Variants in CDK11B observed in about 807,000 individuals in gnomAD.
CDK11B encodes cyclin dependent kinase 11B, also known as cyclin-dependent kinase 11B.
A neutral mutation model predicts 84.0 loss-of-function variants in CDK11B; 37 were observed. That is an observed-to-expected ratio of 0.44 (90% CI 0.34 to 0.58). CDK11B has a LOEUF of 0.58. Among genes scored for constraint, CDK11B ranks in the 20% least tolerant of loss-of-function variants. CDK11B has a pLI of 0.02. For synonymous variants in CDK11B, 269 were observed against 309.8 expected (o/e 0.87, Z 1.38); for missense variants, 427 against 834.0 (o/e 0.51, Z 6.01).
At position 1,637,186 on chromosome 1, in the gene CDK11B, C is replaced by T. The variant is rs373757691; in HGVS notation, c.1587G>A (p.Leu529=). Residue 529 remains leucine (L), a synonymous_variant, in exon 15 of 20, where the codon CTG becomes CTA. Transcript: ENST00000341832. ...QPFLPGEVKT[L]MIQLLRGVKH... ...TCACCCCACGCAGCAGCTGGATCAT[C>T]AGGGTCTTCACCTCCCCTGGGAGGG... The T allele has an allele frequency of 7.4e-5, 119 of 1,613,332 alleles. No homozygotes were observed. The highest frequency in any genetic ancestry group is 9.5e-5 in the Non-Finnish European group (112 of 1,179,842).
chr1:1,655,543 A>G (rs1283512115), intron 2 of CDK11B, 59 bp from the exon 3 acceptor site: 3 of 1,497,122 alleles, frequency 2.0e-6, no homozygotes, highest in Middle Eastern at 1.7e-4. Context: ...CTTCATAGAT[A>G]AAAGTATTTT....
intron 5 of CDK11B, among the ~76,000 whole-genome samples, chr1:1,648,823 G>A (rs1372417779): frequency 2.0e-5 from 3 of 152,130 alleles, no homozygotes; most frequent in Non-Finnish European, 2.9e-5. Flanking sequence ...AGGCTGGAGT[G>A]CAATAGCATG....
At chr1:1,639,381 C>G (rs1639900517) in intron 11 of CDK11B, among the ~76,000 whole-genome samples, 2 of 151,720 alleles carry the variant, frequency 1.3e-5, no homozygotes, top group South Asian at 4.1e-4. Context: ...TAAGCCACTC[C>G]ACTCCGGCCT....
At chr1:1,646,300 A>G (rs565135424) in intron 5 of CDK11B, 7 of 428,958 alleles carry the variant, frequency 1.6e-5, no homozygotes, top group Middle Eastern at 3.6e-4. Flanking sequence ...TCCCTTTTTG[A>G]TTTTAAATTA....
rs557982944 is a variant in CDK11B at position 1,637,388 on chromosome 1, C to A, written c.1570+20G>T. Reference sequence around the variant, plus strand: ...CTGCCCCCACTTGTACGCAGACAGGCCCCTGGGGCGCGGCTGTACCTGGCA... The same window carrying A: ...CTGCCCCCACTTGTACGCAGACAGGACCCTGGGGCGCGGCTGTACCTGGCA... On this transcript the variant is annotated intron_variant, in intron 14 of 19. Transcript: ENST00000341832. 6.6e-4 allele frequency: 1,054 copies of A among 1,603,908 alleles called. 20 individuals carry two copies. The East Asian group carries it at 0.012, about 18-fold the overall frequency.
chr1:1,648,819 G>C (rs904576290), intron 5 of CDK11B, among the ~76,000 whole-genome samples: 1 of 152,018 alleles, frequency 6.6e-6, no homozygotes, highest in Non-Finnish European at 1.5e-5. Flanking sequence ...AACCAGGCTG[G>C]AGTGCAATAG....
At chr1:1,650,028 C>T (rs1317276297) in intron 4 of CDK11B, among the ~76,000 whole-genome samples, 2 of 149,824 alleles carry the variant, frequency 1.3e-5, no homozygotes, top group African/African-American at 2.5e-5. Flanking sequence ...AATTCCAGCA[C>T]TCTGGGAGGC....
At chr1:1,653,822 A>AT in intron 3 of CDK11B, among the ~76,000 whole-genome samples, 1 of 123,398 alleles carries the variant, frequency 8.1e-6, no homozygotes, top group African/African-American at 3.4e-5. Flanking sequence ...TCTCTACTAA[A>AT]AATACACACA....
At position 1,658,896 on chromosome 1, in the gene CDK11B, C is replaced by T. The variant is rs1200188776; in HGVS notation, c.-14+18G>A. 5.2e-5 allele frequency: 9 copies of T among 174,522 alleles called. No individual in the cohort carries two copies. Among genetic ancestry groups the T allele is most frequent in the Non-Finnish European group, 1.0e-4 (8 of 80,180 alleles). The allele number at this position is 174,522 out of a possible 1,614,324, so 10.8% of individuals were successfully genotyped here. A position where few individuals can be genotyped will look rare whatever the true frequency, so the allele number is the denominator to read the frequency against. The stretch of plus-strand genomic sequence containing the variant: ...TCTCCTCGCGCTCCCACACCTGGTC[C>T]GCCCAGTCGGAACTCACCCCTACGC... On this transcript the variant is annotated intron_variant, in intron 1 of 19. Transcript: ENST00000341832.
intron 4 of CDK11B, among the ~76,000 whole-genome samples, chr1:1,649,954 CAA>C (rs1294913578): frequency 1.4e-4 from 12 of 87,448 alleles, no homozygotes; most frequent in Non-Finnish European, 1.3e-4. Flanking sequence ...ACAGCCTGGG[CAA>C]AAAAAAAAAA....
At chr1:1,651,665 C>G (rs1426474139) in intron 4 of CDK11B, among the ~76,000 whole-genome samples, 1 of 151,554 alleles carries the variant, frequency 6.6e-6, no homozygotes, top group African/African-American at 2.4e-5. Context: ...GTCTGTGACA[C>G]ACGCATGCTT....
At position 1,637,283 on chromosome 1, in the gene CDK11B, A is replaced by T. The variant is rs527625087; in HGVS notation, c.1571-81T>A. Reference sequence around the variant, plus strand: ...AGGGTGGCCCACTCGCCTCGGCAGCAACAGAGGCTTCTCAGGGCTTTCCCT... The same window carrying T: ...AGGGTGGCCCACTCGCCTCGGCAGCTACAGAGGCTTCTCAGGGCTTTCCCT... On this transcript the variant is annotated intron_variant, in intron 14 of 19. Transcript: ENST00000341832. 8.0e-5 allele frequency: 127 copies of T among 1,581,000 alleles called. No individual in the cohort carries two copies. In the African/African-American group the frequency reaches 1.5e-3, roughly 19 times the overall value.
intron 1 of CDK11B, among the ~76,000 whole-genome samples, chr1:1,658,159 C>CAAAAAAAAAA (rs201470198): frequency 2.5e-5 from 3 of 119,808 alleles, no homozygotes; most frequent in Non-Finnish European, 5.2e-5. Context: ...GACCCCGTCT[C>CAAAAAAAAAA]AAAAAAAAAA....
intron 11 of CDK11B, among the ~76,000 whole-genome samples, chr1:1,639,043 C>T (rs545107597): frequency 1.3e-5 from 2 of 149,502 alleles, no homozygotes; most frequent in South Asian, 2.1e-4. Context: ...TGGGTTCAGG[C>T]GATTCTCCTG....
intron 17 of CDK11B, 27 bp downstream of exon 17, chr1:1,636,655 G>A (rs1433577670): frequency 1.2e-6 from 2 of 1,613,496 alleles, no homozygotes; most frequent in Non-Finnish European, 1.7e-6. Context: ...CAACCCCACA[G>A]CGCACCTGCA....
At chr1:1,658,151 C>T (rs1389246735) in intron 1 of CDK11B, among the ~76,000 whole-genome samples, 2 of 141,956 alleles carry the variant, frequency 1.4e-5, no homozygotes, top group African/African-American at 5.6e-5. Flanking sequence ...TCCAGCAAGA[C>T]CCCGTCTCAA....
At position 1,652,565 on chromosome 1, in the gene CDK11B, C is replaced by T; in HGVS notation, c.229G>A (p.Gly77Arg). The change falls in exon 4 of 20, where the codon GGA becomes AGA. Residue 77 changes from glycine (G) to arginine (R), a missense_variant and splice_region_variant. By Grantham distance (125) the Gly-to-Arg change is moderately radical (BLOSUM62 -2). Coordinates refer to ENST00000341832, the MANE Select transcript of CDK11B (RefSeq NM_033486.3). ...ATGGCCAAAGAATCATCTTCTTCTCCTCTGAAATAAAACACAACAGCACTG... is the reference window on the plus strand; with the variant it reads ...ATGGCCAAAGAATCATCTTCTTCTCTTCTGAAATAAAACACAACAGCACTG... ...YRREDSMEDR[G>R]EEDDSLAIKP... 6.9e-7 allele frequency: 1 copy of T among 1,458,304 alleles called. No individual in the cohort carries two copies. The highest frequency in any genetic ancestry group is 9.0e-7 in the Non-Finnish European group (1 of 1,110,786). The allele number at this position is 1,458,304 out of a possible 1,614,324, so 90.3% of individuals were successfully genotyped here.
At position 1,650,173 on chromosome 1, in the gene CDK11B, G is replaced by C. The variant is rs1641766606; in HGVS notation, c.356-536C>G. Among the ~76,000 whole-genome samples the C allele has an allele frequency of 1.4e-4, 21 of 148,464 alleles. No individual in the cohort carries two copies. The South Asian group carries it at 4.5e-3, about 32-fold the overall frequency. Reference sequence around the variant, plus strand: ...TAGTCCCAGCTACTCGGGAGGCTGAGGCGGGAGAATAGCGTGAACCCAGGA... The same window carrying C: ...TAGTCCCAGCTACTCGGGAGGCTGACGCGGGAGAATAGCGTGAACCCAGGA... On this transcript the variant is annotated intron_variant, in intron 4 of 19. Transcript: ENST00000341832.
At position 1,636,815 on chromosome 1, in the gene CDK11B, G is replaced by C. The variant is rs533936467; in HGVS notation, c.1801-17C>G. ...GGAGTATTCCTAAGAGGTCAGGAGA[G>C]GTGTTCAGGAGGGCCAGTGCCCGCG... On this transcript the variant is annotated splice_polypyrimidine_tract_variant and intron_variant, in intron 16 of 19. Coordinates refer to ENST00000341832, the MANE Select transcript of CDK11B (RefSeq NM_033486.3). 6.2e-7 allele frequency: 1 copy of C among 1,613,828 alleles called. No homozygotes were observed. Among genetic ancestry groups the C allele is most frequent in the Non-Finnish European group, 8.5e-7 (1 of 1,179,828 alleles).
Sources: allele counts gnomAD v4.1 joint callset (sites outside exome capture counted in the v4.1 genomes callset), GRCh38; gene constraint gnomAD v4.1.1; transcripts MANE v1.5; gene names NCBI Gene and HGNC (gene_info 2026-07-23, HGNC 2026-07-21).